Variants in TAF1 observed in about 807,000 individuals in gnomAD.
TAF1 encodes TATA-box binding protein associated factor 1.
A neutral mutation model predicts 138.5 loss-of-function variants in TAF1; 2 were observed. The ratio of observed to expected loss-of-function variants is 0.01; its 90% confidence interval spans 0.01 to 0.05. The LOEUF (loss-of-function observed/expected upper bound fraction) is 0.05, where lower values mean the gene tolerates loss of function less well. Ranked by LOEUF, TAF1 falls within the 10% of genes least tolerant of loss-of-function variation. TAF1 has a pLI of 1.00. For missense variants in TAF1, 709 were observed against 1,478.0 expected, an observed-to-expected ratio of 0.48 and a Z score of 8.53; for synonymous variants, 437 against 503.2, an observed-to-expected ratio of 0.87 and a Z score of 1.76.
intron 1 of TAF1, 72 bp from the exon 2 acceptor site, chrX:71,367,427 G>T: frequency 8.9e-7 from 1 of 1,129,613 alleles, no homozygotes; most frequent in Non-Finnish European, 1.2e-6. Flanking sequence ...TCGTGGACCA[G>T]GGAAATAAGT....
At chrX:71,455,164 C>G (rs2038222439) in intron 34 of TAF1, among the ~76,000 whole-genome samples, 1 of 110,271 alleles carries the variant, frequency 9.1e-6, no homozygotes, top group African/African-American at 3.3e-5. Flanking sequence ...ATTTTCTTGT[C>G]CATGAATTTT....
chrX:71,421,249 AG>A, intron 28 of TAF1, 59 bp from the exon 29 acceptor site: 1 of 1,025,385 alleles, frequency 9.8e-7, no homozygotes, highest in East Asian at 3.1e-5. Flanking sequence ...AGGATAAAGA[AG>A]TGTTGGCAGC....
intron 14 of TAF1, among the ~76,000 whole-genome samples, chrX:71,385,306 A>G (rs1030900546): frequency 1.8e-5 from 2 of 112,300 alleles, no homozygotes; most frequent in Admixed American, 1.9e-4. Flanking sequence ...TCTGGGAAGC[A>G]TAAGGAAGTC....
At chrX:71,431,792 G>A (rs1448704004) in intron 32 of TAF1, among the ~76,000 whole-genome samples, 3 of 109,582 alleles carry the variant, frequency 2.7e-5, no homozygotes, top group South Asian at 4.0e-4. Context: ...GGCATGCACC[G>A]GTAGTCCCAG....
chrX:71,511,528 G>A (rs2039730723), intron 13 of TAF1, among the ~76,000 whole-genome samples: 1 of 112,547 alleles, frequency 8.9e-6, no homozygotes, highest in Non-Finnish European at 1.9e-5. Context: ...AGGTTTTTTG[G>A]AAGGGAGCAA....
intron 32 of TAF1, chrX:71,441,565 G>A (rs1485583553): frequency 9.3e-6 from 2 of 215,831 alleles, no homozygotes; most frequent in Non-Finnish European, 1.7e-5. Context: ...TTTGTGTTGA[G>A]AATGTGCAAC....
chrX:71,524,346 T>C (rs957609275), intron 13 of TAF1, among the ~76,000 whole-genome samples: 18 of 111,060 alleles, frequency 1.6e-4, no homozygotes, highest in African/African-American at 5.6e-4. Flanking sequence ...ATAGTTCTTA[T>C]AGTGTTATAG....
rs1481165349 is a variant in TAF1, at chrX:71,423,317, A to G, written c.4575+78A>G. ...ATGTTTAGGGTGTACACGTGTGTGT[A>G]TTTTGGAGAGTCTGAGTGGTGGTGT... On this transcript the variant is annotated intron_variant, in intron 30 of 37. Transcript: ENST00000423759. 4 of 1,175,538 alleles carry G rather than the reference A, an allele frequency of 3.4e-6. No homozygotes were observed. In the East Asian group the frequency reaches 9.1e-5, roughly 27 times the overall value.
intron 13 of TAF1, among the ~76,000 whole-genome samples, chrX:71,518,571 C>T (rs949423082): frequency 8.1e-5 from 9 of 111,040 alleles, no homozygotes; most frequent in African/African-American, 2.3e-4. Context: ...TGATTTGAAA[C>T]AGAGAAAAGG....
rs1358198638 is a variant in TAF1 at position 71,399,256 on chromosome X, T to C, written c.3786+519T>C. Among the ~76,000 whole-genome samples the C allele has an allele frequency of 1.4e-4, 13 of 93,586 alleles. No individual in the cohort carries two copies. The Admixed American group carries it at 1.4e-3, about 10-fold the overall frequency. 81.3% of individuals were successfully genotyped at this position (93,586 alleles called of 115,157 possible). A position where few individuals can be genotyped will look rare whatever the true frequency, so the allele number is the denominator to read the frequency against. ...TGCCCGGCTTGTCATTTATTCTCTTTTTTTTTTTTTTTTTTTTTGAAACAG... is the reference window on the plus strand; with the variant it reads ...TGCCCGGCTTGTCATTTATTCTCTTCTTTTTTTTTTTTTTTTTTGAAACAG... On this transcript the variant is annotated intron_variant, in intron 24 of 37. Transcript: ENST00000423759.
At chrX:71,492,411 T>C (rs1471872653) in intron 13 of TAF1, 2 of 130,386 alleles carry the variant, frequency 1.5e-5, no homozygotes, top group Admixed American at 1.8e-4. Context: ...GGACGCGTTC[T>C]CACGGTTCTA....
At chrX:71,399,894 G>C (rs1014443413) in intron 24 of TAF1, among the ~76,000 whole-genome samples, 1 of 109,402 alleles carries the variant, frequency 9.1e-6, no homozygotes, top group Non-Finnish European at 1.9e-5. Context: ...ACCACGCCCA[G>C]CTAATTTTTG....
At chrX:71,520,689 CA>C (rs1234838881) in intron 13 of TAF1, among the ~76,000 whole-genome samples, 72 of 21,007 alleles carry the variant, frequency 3.4e-3, no homozygotes, top group Admixed American at 7.1e-3. Flanking sequence ...AGTCTCAAAA[CA>C]AAAAAAAAAA....
chrX:71,461,353 G>A (rs1209425206), intron 37 of TAF1, among the ~76,000 whole-genome samples: 1 of 111,418 alleles, frequency 9.0e-6, no homozygotes, highest in Non-Finnish European at 1.9e-5. Context: ...GGCATGCTAA[G>A]ACCTTTGGAC....
intron 13 of TAF1, among the ~76,000 whole-genome samples, chrX:71,489,096 T>C (rs1056743386): frequency 9.2e-6 from 1 of 108,914 alleles, no homozygotes; most frequent in Non-Finnish European, 1.9e-5. Context: ...CACAAAAAAT[T>C]CATCTAGTTT....
chrX:71,392,790 G>T, intron 19 of TAF1, 72 bp downstream of exon 19: 2 of 1,189,472 alleles, frequency 1.7e-6, no homozygotes, highest in Non-Finnish European at 2.3e-6. Context: ...GACTTGGAAT[G>T]TAGTTAAGGT....
intron 32 of TAF1, among the ~76,000 whole-genome samples, chrX:71,426,421 G>A (rs1382908511): frequency 9.0e-6 from 1 of 111,277 alleles, no homozygotes; most frequent in Non-Finnish European, 1.9e-5. Context: ...TTGCATGATA[G>A]GTTTAGGAAA....
At chrX:71,388,475 A>T in intron 16 of TAF1, 97 bp downstream of exon 16, 1 of 1,091,333 alleles carries the variant, frequency 9.2e-7, no homozygotes, top group Non-Finnish European at 1.2e-6. Flanking sequence ...ATAAAATAGA[A>T]ATTGATGGCT....
Position 71,463,840 on chromosome X carries a change from G to A in TAF1, c.5416G>A (p.Glu1806Lys). Residue 1806 changes from glutamate to lysine, a missense_variant, in exon 38 of 38, where the codon GAG becomes AAG. This residue lies in a region of TAF1 where 123 missense variants were observed against 174.7 expected (regional missense o/e 0.70). Coordinates refer to ENST00000423759, the MANE Select transcript of TAF1 (RefSeq NM_004606.5). Reference sequence around the variant, plus strand: ...TCTTCTCAGTTATGGGAGCTATGAGGAGCCTGATCCCAAGTCGAACACCCA... The same window carrying A: ...TCTTCTCAGTTATGGGAGCTATGAGAAGCCTGATCCCAAGTCGAACACCCA... ...DSNISYGSYE[E>K]PDPKSNTQDT... is the part of the protein sequence containing the mutation. The A allele has an allele frequency of 8.3e-7, 1 of 1,210,577 alleles. No individual in the cohort carries two copies. The highest frequency in any genetic ancestry group is 1.7e-5 in the African/African-American group (1 of 57,776).
Sources: gnomAD v4.1 joint callset for allele counts (sites outside exome capture counted in the v4.1 genomes callset) on GRCh38, gnomAD v4.1.1 for gene constraint, gnomAD v4.1.1 regional missense constraint, MANE v1.5 for transcripts, NCBI Gene and HGNC (gene_info 2026-07-23, HGNC 2026-07-21) for gene names.